Variants in ABCC4 observed in about 807,000 individuals in gnomAD.
The protein encoded by ABCC4 is ATP-binding cassette sub-family C member 4.
ABCC4 carries 102 observed loss-of-function variants against 168.5 expected under a neutral mutation model. The ratio of observed to expected loss-of-function variants is 0.61; its 90% CI spans 0.52 to 0.71. The LOEUF is 0.71. ABCC4 is among the 30% of genes least tolerant of loss of function. The probability of loss-of-function intolerance (pLI) is 0.00; values close to 1 mark genes in which losing one functional copy is unlikely to be tolerated. For synonymous variants in ABCC4, 617 were observed against 590.7 expected, an observed-to-expected ratio of 1.04 and a Z score of -0.65; for missense variants, 1,402 against 1,605.8, an observed-to-expected ratio of 0.87 and a Z score of 2.17.
Position 95,277,521 on chromosome 13 carries a change from C to G in ABCC4, c.74+23720G>C, listed in dbSNP as rs938740359. Reference sequence around the variant, plus strand: ...GCCTGAACCCAGGAGGTGGAGGTTGCAGTGAGCTGGGACCATGCCATTGCA... The same window carrying G: ...GCCTGAACCCAGGAGGTGGAGGTTGGAGTGAGCTGGGACCATGCCATTGCA... On this transcript the variant is annotated intron_variant, in intron 1 of 30. Transcript: ENST00000645237. Among the ~76,000 whole-genome samples the G allele has an allele frequency of 2.0e-5, 3 of 150,152 alleles. No individual in the cohort carries two copies. The South Asian group carries it at 6.3e-4, about 32-fold the overall frequency.
intron 4 of ABCC4, among the ~76,000 whole-genome samples, chr13:95,224,528 G>A (rs779988215): frequency 2.0e-5 from 3 of 152,282 alleles, no homozygotes; most frequent in Non-Finnish European, 4.4e-5. Context: ...CTTGAGGTCA[G>A]GAGTTCAAGA....
chr13:95,177,566 G>A, intron 13 of ABCC4, 141 bp downstream of exon 13: 1 of 598,980 alleles, frequency 1.7e-6, no homozygotes, highest in East Asian at 2.8e-5. Context: ...CTCTAAAATG[G>A]ATCTTCAGGG....
chr13:95,256,966 T>C (rs1440361776), intron 1 of ABCC4, among the ~76,000 whole-genome samples: 1 of 152,168 alleles, frequency 6.6e-6, no homozygotes, highest in Non-Finnish European at 1.5e-5. Flanking sequence ...TCATTTAAGT[T>C]TGCGCACCAA....
intron 20 of ABCC4, among the ~76,000 whole-genome samples, chr13:95,091,639 T>TA (rs1405741232): frequency 1.3e-5 from 2 of 152,164 alleles, no homozygotes; most frequent in South Asian, 2.1e-4. Context: ...AAGAAACTGC[T>TA]AAAAGGAGCT....
chr13:95,037,107 A>C (rs1349794097), intron 29 of ABCC4, among the ~76,000 whole-genome samples: 11 of 140,684 alleles, frequency 7.8e-5, no homozygotes, highest in Admixed American at 2.8e-4. Flanking sequence ...AAAAAACCCC[A>C]AAATCCCAAA....
chr13:95,168,334 G>A (rs975700010), intron 14 of ABCC4, among the ~76,000 whole-genome samples: 1 of 152,142 alleles, frequency 6.6e-6, no homozygotes, highest in Non-Finnish European at 1.5e-5. Flanking sequence ...GTGGGGAAGA[G>A]CCAGCACACG....
rs199534639 is a variant in ABCC4 at position 95,094,632 on chromosome 13, C to T, written c.2536-11342G>A. ...TAGGCAAGGATTTCATGACTAAGAA[C>T]CCAAAAGCAAATGCAATAAAAACAA... On this transcript the variant is annotated intron_variant, in intron 20 of 30. Coordinates refer to ENST00000645237, the MANE Select transcript of ABCC4 (RefSeq NM_005845.5). Among the ~76,000 whole-genome samples the T allele has an allele frequency of 6.6e-5, 10 of 152,120 alleles. No individual in the cohort carries two copies. The East Asian group carries it at 1.7e-3, about 26-fold the overall frequency.
At chr13:95,131,884 A>C (rs186771324) in intron 19 of ABCC4, among the ~76,000 whole-genome samples, 13 of 152,304 alleles carry the variant, frequency 8.5e-5, no homozygotes, top group Admixed American at 6.5e-4. Context: ...TGAAAAAAAA[A>C]ATATGACAGG....
At chr13:95,039,129 AGGAAATGCCTG>A (rs2032251094) in intron 29 of ABCC4, among the ~76,000 whole-genome samples, 1 of 152,242 alleles carries the variant, frequency 6.6e-6, no homozygotes, top group African/African-American at 2.4e-5. Flanking sequence ...GAGTATACTT[AGGAAATGCCTG>A]GGACCAGAAG....
chr13:95,236,935 A>T (rs1239520844), intron 3 of ABCC4, among the ~76,000 whole-genome samples: 1 of 152,162 alleles, frequency 6.6e-6, no homozygotes, highest in Non-Finnish European at 1.5e-5. Flanking sequence ...CTGGCTCAGG[A>T]GTGCCAAGGG....
At chr13:95,083,095 G>C (rs1353037414) in intron 21 of ABCC4, 45 bp downstream of exon 21, 1 of 1,574,020 alleles carries the variant, frequency 6.4e-7, no homozygotes, top group Non-Finnish European at 8.6e-7. Context: ...GGCATAAATG[G>C]AAACTAGCTA....
At chr13:95,222,488 G>T (rs918027309) in intron 4 of ABCC4, among the ~76,000 whole-genome samples, 87 of 152,340 alleles carry the variant, frequency 5.7e-4, no homozygotes, top group African/African-American at 2.1e-3. Context: ...CATGGCCCTG[G>T]ACAGTAAGCA....
chr13:95,143,629 T>C lies in ABCC4; in HGVS notation c.2455+17560A>G, dbSNP rs60161908. Among the ~76,000 whole-genome samples, 1,510 of 152,266 alleles carry C rather than the reference T, an allele frequency of 9.9e-3. 21 individuals are homozygous for C. Among genetic ancestry groups the C allele is most frequent in the African/African-American group, 0.034 (1,422 of 41,544 alleles). On this transcript the variant is annotated intron_variant, in intron 19 of 30. Transcript: ENST00000645237. ...AAGACAGAATTATTTCCACTCCCAG[T>C]AGGACACAAATGCCAAGGAATAGCT...
chr13:95,054,273 GTTCCTA>G (rs1268053185), intron 26 of ABCC4, among the ~76,000 whole-genome samples: 1 of 151,918 alleles, frequency 6.6e-6, no homozygotes, highest in Non-Finnish European at 1.5e-5. Context: ...TTAAATAGCT[GTTCCTA>G]TTCATCTGCT....
At chr13:95,208,071 A>C in intron 6 of ABCC4, 146 bp from the exon 7 acceptor site, 1 of 815,394 alleles carries the variant, frequency 1.2e-6, no homozygotes, top group Non-Finnish European at 1.9e-6. Context: ...CAAAATACAA[A>C]TAGAAAAAGA....
intron 1 of ABCC4, among the ~76,000 whole-genome samples, chr13:95,300,204 G>C (rs1395074898): frequency 6.6e-6 from 1 of 152,012 alleles, no homozygotes; most frequent in Non-Finnish European, 1.5e-5. Context: ...GCACAAAATG[G>C]GTAGGGCTGT....
chr13:95,189,852 A>G (rs1234679001), intron 9 of ABCC4, among the ~76,000 whole-genome samples: 2 of 152,234 alleles, frequency 1.3e-5, no homozygotes, highest in East Asian at 3.8e-4. Flanking sequence ...TAGTTCTACT[A>G]TAAACACTGA....
chr13:95,169,212 CTGT>C (rs1052944388), intron 14 of ABCC4, among the ~76,000 whole-genome samples: 3 of 152,198 alleles, frequency 2.0e-5, no homozygotes, highest in Non-Finnish European at 4.4e-5. Flanking sequence ...CAATACATTT[CTGT>C]TGTTGTAAGC....
intron 30 of ABCC4, among the ~76,000 whole-genome samples, chr13:95,027,708 T>C (rs1299661877): frequency 6.6e-6 from 1 of 152,076 alleles, no homozygotes; most frequent in African/African-American, 2.4e-5. Context: ...AGAAACAGCA[T>C]TTAGAGGAAA....
Sources: gnomAD v4.1 joint callset for allele counts (sites outside exome capture counted in the v4.1 genomes callset) on GRCh38, gnomAD v4.1.1 for gene constraint, MANE v1.5 for transcripts, NCBI Gene and HGNC (gene_info 2026-07-23, HGNC 2026-07-21) for gene names.